The following PRKAR2B variants were observed in gnomAD, a reference collection of about 807,000 sequenced individuals.
The protein encoded by PRKAR2B is cAMP-dependent protein kinase type II-beta regulatory subunit.
PRKAR2B carries 14 observed loss-of-function variants against 49.9 expected under a neutral mutation model. The observed-to-expected ratio is 0.28, with a 90% CI of 0.19 to 0.44. PRKAR2B has a LOEUF of 0.44. Among genes scored for constraint, PRKAR2B ranks in the 20% least tolerant of loss-of-function variants. The pLI, the probability that PRKAR2B is intolerant of heterozygous loss-of-function variation, is 1.00. For missense variants in PRKAR2B, 393 were observed against 537.9 expected, an observed-to-expected ratio of 0.73 and a Z score of 2.67; for synonymous variants, 196 against 197.7, an observed-to-expected ratio of 0.99 and a Z score of 0.07.
chr7:107,097,628 G>A (rs1229764847), intron 2 of PRKAR2B, among the ~76,000 whole-genome samples: 1 of 152,212 alleles, frequency 6.6e-6, no homozygotes, highest in Non-Finnish European at 1.5e-5. Context: ...AATTTGGCAT[G>A]TTTTTGCAGT....
chr7:107,124,504 A>G (rs1275259191), intron 3 of PRKAR2B, among the ~76,000 whole-genome samples: 1 of 152,168 alleles, frequency 6.6e-6, no homozygotes, highest in Non-Finnish European at 1.5e-5. Context: ...CACAGCCCCC[A>G]AGCCTCTGGG....
intron 2 of PRKAR2B, among the ~76,000 whole-genome samples, chr7:107,075,589 AGG>A (rs2116780090): frequency 6.6e-6 from 1 of 152,120 alleles, no homozygotes; most frequent in East Asian, 1.9e-4. Flanking sequence ...TTATAGAGAC[AGG>A]GTTTCGCCAT....
chr7:107,107,090 A>G (rs1049118936), intron 2 of PRKAR2B, among the ~76,000 whole-genome samples: 1 of 152,174 alleles, frequency 6.6e-6, no homozygotes, highest in African/African-American at 2.4e-5. Context: ...TAATCCCATC[A>G]TTTTGGGAGG....
At chr7:107,063,066 C>T (rs891633456) in intron 1 of PRKAR2B, among the ~76,000 whole-genome samples, 1 of 152,026 alleles carries the variant, frequency 6.6e-6, no homozygotes, top group Admixed American at 6.6e-5. Flanking sequence ...TGCGGTGGTA[C>T]GATCTGAGCT....
intron 1 of PRKAR2B, 135 bp downstream of exon 1, chr7:107,045,349 C>T (rs955866909): frequency 1.4e-5 from 10 of 729,924 alleles, no homozygotes; most frequent in East Asian, 3.0e-5. Flanking sequence ...ACCTTCCCAT[C>T]TCGCCCACCC....
chr7:107,090,365 T>G (rs1794713939), intron 2 of PRKAR2B, among the ~76,000 whole-genome samples: 1 of 152,162 alleles, frequency 6.6e-6, no homozygotes, highest in Non-Finnish European at 1.5e-5. Context: ...TCCCCTCTCA[T>G]TCAAGGCTTC....
intron 2 of PRKAR2B, among the ~76,000 whole-genome samples, chr7:107,095,416 G>T (rs971731964): frequency 6.6e-6 from 1 of 152,160 alleles, no homozygotes; most frequent in African/African-American, 2.4e-5. Flanking sequence ...AGACGATGTG[G>T]TTTTCTAAAT....
At chr7:107,067,692 G>T (rs1300590788) in intron 1 of PRKAR2B, among the ~76,000 whole-genome samples, 1 of 152,190 alleles carries the variant, frequency 6.6e-6, no homozygotes, top group Admixed American at 6.5e-5. Flanking sequence ...GCTGCAAACG[G>T]AGTCTGATCA....
At chr7:107,102,015 A>G (rs1437993501) in intron 2 of PRKAR2B, among the ~76,000 whole-genome samples, 1 of 151,944 alleles carries the variant, frequency 6.6e-6, no homozygotes, top group Non-Finnish European at 1.5e-5. Flanking sequence ...ACAGGAGATC[A>G]ACAAGACTCA....
chr7:107,053,525 A>AGAGTGTGT (rs367934743), intron 1 of PRKAR2B, among the ~76,000 whole-genome samples: 1 of 141,892 alleles, frequency 7.0e-6, no homozygotes, highest in Non-Finnish European at 1.5e-5. Context: ...GATTATAAAG[A>AGAGTGTGT]GTGTGTGTGT....
At chr7:107,094,128 A>C (rs939422013) in intron 2 of PRKAR2B, among the ~76,000 whole-genome samples, 24 of 152,230 alleles carry the variant, frequency 1.6e-4, no homozygotes, top group African/African-American at 5.8e-4. Flanking sequence ...AGTCCCACCA[A>C]CAGTGTAAAA....
intron 2 of PRKAR2B, among the ~76,000 whole-genome samples, chr7:107,109,484 A>G (rs1179853457): frequency 6.6e-6 from 1 of 151,606 alleles, no homozygotes; most frequent in African/African-American, 2.4e-5. Context: ...ACTGGTCTCA[A>G]ACACCTGGAC....
chr7:107,135,408 G>A (rs1795680288), intron 4 of PRKAR2B, among the ~76,000 whole-genome samples: 1 of 152,138 alleles, frequency 6.6e-6, no homozygotes, highest in Non-Finnish European at 1.5e-5. Context: ...AGACAAGAAA[G>A]TGTAGTAAAA....
intron 8 of PRKAR2B, among the ~76,000 whole-genome samples, chr7:107,156,036 A>T (rs1425335093): frequency 6.6e-6 from 1 of 152,318 alleles, no homozygotes; most frequent in African/African-American, 2.4e-5. Flanking sequence ...GTTCTCACTC[A>T]TAAGTGGGAG....
chr7:107,051,663 CAG>C (rs1793806089), intron 1 of PRKAR2B, among the ~76,000 whole-genome samples: 1 of 151,906 alleles, frequency 6.6e-6, no homozygotes, highest in Admixed American at 6.6e-5. Flanking sequence ...ATAAGAAAAT[CAG>C]AACTATAAAC....
intron 1 of PRKAR2B, among the ~76,000 whole-genome samples, chr7:107,059,605 A>G (rs978471343): frequency 6.6e-6 from 1 of 152,124 alleles, no homozygotes; most frequent in African/African-American, 2.4e-5. Context: ...CATTACTTCT[A>G]TGTAGTATAC....
chr7:107,092,245 TTGTGTGTG>T (rs34502492), intron 2 of PRKAR2B, among the ~76,000 whole-genome samples: 28 of 148,394 alleles, frequency 1.9e-4, no homozygotes, highest in Non-Finnish European at 2.4e-4. Context: ...AACCATTAAG[TTGTGTGTG>T]TGTGTGTGTG....
At chr7:107,148,438 A>G (rs1795930346) in intron 6 of PRKAR2B, among the ~76,000 whole-genome samples, 1 of 152,332 alleles carries the variant, frequency 6.6e-6, no homozygotes, top group East Asian at 1.9e-4. Flanking sequence ...TAGTGCACGT[A>G]CTACTTAAGT....
chr7:107,088,963 G>A (rs535057757), intron 2 of PRKAR2B, among the ~76,000 whole-genome samples: 1 of 152,174 alleles, frequency 6.6e-6, no homozygotes, highest in East Asian at 1.9e-4. Context: ...AAGGTCAGGA[G>A]TGCGAGACTA....
Sources: gnomAD v4.1 joint callset for allele counts (sites outside exome capture counted in the v4.1 genomes callset) on GRCh38, gnomAD v4.1.1 for gene constraint, MANE v1.5 for transcripts, NCBI Gene and HGNC (gene_info 2026-07-23, HGNC 2026-07-21) for gene names.